The following CTXND1 variants were observed in gnomAD, a reference collection of about 807,000 sequenced individuals.
The protein encoded by CTXND1 is cortexin domain-containing 1 protein.
intron 1 of CTXND1, among the ~76,000 whole-genome samples, chr15:80,205,650 G>A (rs758838154): frequency 6.6e-5 from 10 of 152,056 alleles, no homozygotes; most frequent in South Asian, 2.1e-4. Context: ...ACCAGATCCC[G>A]GCATCCAGAC....
At chr15:80,237,664 T>C (rs1408506992) in intron 1 of CTXND1, among the ~76,000 whole-genome samples, 2 of 152,216 alleles carry the variant, frequency 1.3e-5, no homozygotes, top group Non-Finnish European at 2.9e-5. Context: ...TTGTGCAATA[T>C]TTTGTACACT....
chr15:80,211,062 G>A (rs1182072696), intron 1 of CTXND1, among the ~76,000 whole-genome samples: 2 of 152,166 alleles, frequency 1.3e-5, no homozygotes, highest in African/African-American at 2.4e-5. Flanking sequence ...AACAAAATTC[G>A]GTCCATAGCA....
intron 1 of CTXND1, among the ~76,000 whole-genome samples, chr15:80,248,469 C>G (rs1271614758): frequency 6.6e-6 from 1 of 152,216 alleles, no homozygotes; most frequent in Non-Finnish European, 1.5e-5. Context: ...TGGCTTAAAA[C>G]TCCTCAATCT....
intron 1 of CTXND1, among the ~76,000 whole-genome samples, chr15:80,226,762 T>C (rs1417811651): frequency 6.6e-6 from 1 of 152,220 alleles, no homozygotes; most frequent in Non-Finnish European, 1.5e-5. Flanking sequence ...TGATTGTCAA[T>C]CTGGCCCCAT....
chr15:80,238,165 A>G (rs965215334), intron 1 of CTXND1, among the ~76,000 whole-genome samples: 1 of 152,294 alleles, frequency 6.6e-6, no homozygotes, highest in Admixed American at 6.5e-5. Context: ...AGTACACGGT[A>G]ATGTCCTAGG....
At chr15:80,222,677 C>T (rs1893330765) in intron 1 of CTXND1, among the ~76,000 whole-genome samples, 1 of 152,024 alleles carries the variant, frequency 6.6e-6, no homozygotes, top group African/African-American at 2.4e-5. Flanking sequence ...TGTAATTCTG[C>T]CAAGTTTCTT....
chr15:80,216,150 C>T (rs1893250485), intron 1 of CTXND1, among the ~76,000 whole-genome samples: 1 of 152,178 alleles, frequency 6.6e-6, no homozygotes, highest in African/African-American at 2.4e-5. Flanking sequence ...AATTGGAAAA[C>T]TCTGAAGATC....
intron 1 of CTXND1, among the ~76,000 whole-genome samples, chr15:80,223,216 C>T (rs1183157648): frequency 6.6e-5 from 10 of 152,102 alleles, no homozygotes; most frequent in Admixed American, 2.0e-4. Context: ...CCACCATGTC[C>T]GGCTAATTTT....
At chr15:80,246,849 C>G (rs1033453048) in intron 1 of CTXND1, among the ~76,000 whole-genome samples, 1 of 152,130 alleles carries the variant, frequency 6.6e-6, no homozygotes, top group Admixed American at 6.5e-5. Context: ...TTACAATGAG[C>G]CTTACAGTTG....
In CTXND1 at chr15:80,234,979, C is replaced by T. The variant is rs188046489; in HGVS notation, c.-218+17028G>A. 7.2e-4 allele frequency among the ~76,000 whole-genome samples: 94 copies of T among 129,858 alleles called. 1 individual carries two copies. Among genetic ancestry groups the T allele is most frequent in the African/African-American group, 2.6e-3 (87 of 33,546 alleles). The allele number at this position is 129,858 out of a possible 152,430, so 85.2% of individuals were successfully genotyped here. ...GAGAGCAGCAGGCTGAGGTTCGGTC[C>T]CCAGAGTTTGAGTTATGACTCTGCC... On this transcript the variant is annotated intron_variant, in intron 1 of 2. Coordinates refer to ENST00000560778, the MANE Select transcript of CTXND1 (RefSeq NM_001352888.2).
At position 80,234,033 on chromosome 15, in the gene CTXND1, C is replaced by A. The variant is rs148810188; in HGVS notation, c.-218+17974G>T. Among the ~76,000 whole-genome samples, 10 of 152,300 alleles carry A rather than the reference C, an allele frequency of 6.6e-5. No individual in the cohort carries two copies. The South Asian group carries it at 1.5e-3, about 22-fold the overall frequency. On this transcript the variant is annotated intron_variant, in intron 1 of 2. Coordinates refer to ENST00000560778, the MANE Select transcript of CTXND1 (RefSeq NM_001352888.2). ...GTCCCTCAGAAGAGGAGCAAGCCTGCGGTGGAGAAGCTAAGTGACCTTGAG... is the reference window on the plus strand; with the variant it reads ...GTCCCTCAGAAGAGGAGCAAGCCTGAGGTGGAGAAGCTAAGTGACCTTGAG...
intron 1 of CTXND1, among the ~76,000 whole-genome samples, chr15:80,231,806 A>C (rs1893434723): frequency 6.6e-6 from 1 of 152,208 alleles, no homozygotes. Context: ...TCCATCTTAC[A>C]AAAAGAGAAA....
Position 80,252,036 on chromosome 15 carries a change from G to C in CTXND1, c.-247C>G, listed in dbSNP as rs955778075. 2.6e-5 allele frequency: 4 copies of C among 151,632 alleles called. No homozygotes were observed. The highest frequency in any genetic ancestry group is 2.6e-4 in the Admixed American group (4 of 15,214). The allele number at this position is 151,632 out of a possible 1,614,324, so 9.4% of individuals were successfully genotyped here. ...CGAGGCCCGTCCCGTGCGCTCCCGG[G>C]GTCCTGGCTGGGCCGGCGCCGAGCC... is the stretch of plus-strand genomic sequence containing the variant. On this transcript the variant is annotated 5_prime_UTR_variant, in exon 1 of 3. Coordinates refer to ENST00000560778, the MANE Select transcript of CTXND1 (RefSeq NM_001352888.2).
intron 1 of CTXND1, among the ~76,000 whole-genome samples, chr15:80,235,664 A>G (rs1193280533): frequency 1.3e-5 from 2 of 152,046 alleles, no homozygotes; most frequent in East Asian, 1.9e-4. Flanking sequence ...TCTTGGCTCC[A>G]TAAAGTTCTT....
At position 80,198,948 on chromosome 15, in the gene CTXND1, A is replaced by G. The variant is rs2041434551; in HGVS notation, c.*2822T>C. ...ATGTAATGTTAGGAGAAAGAGTATG[A>G]TATAAAATTATGTAGCAGATCATCT... On this transcript the variant is annotated 3_prime_UTR_variant, in exon 3 of 3. Transcript: ENST00000560778. The G allele has an allele frequency of 6.6e-6, 1 of 152,368 alleles. No homozygotes were observed. Among genetic ancestry groups the G allele is most frequent in the Admixed American group, 6.5e-5 (1 of 15,310 alleles). The allele number at this position is 152,368 out of a possible 1,614,324, so 9.4% of individuals were successfully genotyped here.
In CTXND1 at chr15:80,215,518, A is replaced by G. The variant is rs559024580; in HGVS notation, c.-217-11778T>C. Reference sequence around the variant, plus strand: ...CCAAGAGAAGGTGATTAGGAAGTCTATTCCAGTCCCTGCCACAGTGGCTCT... The same window carrying G: ...CCAAGAGAAGGTGATTAGGAAGTCTGTTCCAGTCCCTGCCACAGTGGCTCT... On this transcript the variant is annotated intron_variant, in intron 1 of 2. Transcript: ENST00000560778. Among the ~76,000 whole-genome samples, 9 of 152,286 alleles carry G rather than the reference A, an allele frequency of 5.9e-5. No homozygotes were observed. The South Asian group carries it at 1.9e-3, about 32-fold the overall frequency.
intron 1 of CTXND1, among the ~76,000 whole-genome samples, chr15:80,205,829 C>T (rs185528527): frequency 3.2e-4 from 49 of 152,272 alleles, no homozygotes; most frequent in Non-Finnish European, 6.9e-4. Flanking sequence ...AATAAAAAGC[C>T]TTTTTCCCTG....
intron 1 of CTXND1, among the ~76,000 whole-genome samples, chr15:80,241,676 C>T (rs938035884): frequency 1.3e-5 from 2 of 152,200 alleles, no homozygotes; most frequent in Non-Finnish European, 2.9e-5. Context: ...CCCCACAGAG[C>T]TGAGATGATG....
chr15:80,243,106 G>T (rs1893589236), intron 1 of CTXND1, among the ~76,000 whole-genome samples: 1 of 152,162 alleles, frequency 6.6e-6, no homozygotes, highest in South Asian at 2.1e-4. Context: ...CGTGCCAAGT[G>T]CATCTGCCCG....
Sources: allele counts gnomAD v4.1 joint callset (sites outside exome capture counted in the v4.1 genomes callset), GRCh38; gene constraint gnomAD v4.1.1; transcripts MANE v1.5; gene names NCBI Gene and HGNC (gene_info 2026-07-23, HGNC 2026-07-21).